Variants in AKAP13 observed in about 807,000 individuals in gnomAD.
AKAP13 encodes the protein A-kinase anchoring protein 13.
In AKAP13, 80 loss-of-function variants were observed where a neutral mutation model predicts 264.5. The ratio of observed to expected loss-of-function variants is 0.30; its 90% CI spans 0.25 to 0.36. AKAP13 has a LOEUF of 0.36. Ranked by LOEUF, AKAP13 falls within the 10% of genes least tolerant of loss-of-function variation. The pLI is 1.00. For synonymous variants in AKAP13, 1,380 were observed against 1,250.2 expected, an observed-to-expected ratio of 1.10 and a Z score of -2.19; for missense variants, 3,712 against 3,435.2, an observed-to-expected ratio of 1.08 and a Z score of -2.01.
At chr15:85,700,232 G>A (rs2085831791) in intron 17 of AKAP13, among the ~76,000 whole-genome samples, 1 of 152,150 alleles carries the variant, frequency 6.6e-6, no homozygotes, top group Non-Finnish European at 1.5e-5. Flanking sequence ...TTATCAGATA[G>A]CAGAAATATT....
chr15:85,708,927 G>T lies in AKAP13; in HGVS notation c.5532+841G>T, dbSNP rs2086471207. The stretch of plus-strand genomic sequence containing the variant: ...CCCACTCCCAGAGTCTCAGATTCTG[G>T]GGGAGAGTCCAGGAATTTGCATTTC... On this transcript the variant is annotated intron_variant, in intron 18 of 36. Transcript: ENST00000394518. This position sits in a 1 kb window ranked among gnomAD's most constrained non-coding sequence, Gnocchi z 4.3. Among the ~76,000 whole-genome samples the T allele has an allele frequency of 6.6e-6, 1 of 152,164 alleles. No homozygotes were observed. The highest frequency in any genetic ancestry group is 1.5e-5 in the Non-Finnish European group (1 of 68,036).
chr15:85,544,253 A>C, intron 5 of AKAP13: 1 of 489,268 alleles, frequency 2.0e-6, no homozygotes, highest in South Asian at 1.7e-5. Flanking sequence ...TTGTCTGTGG[A>C]GGTAGCATAA....
intron 3 of AKAP13, among the ~76,000 whole-genome samples, chr15:85,521,937 G>C (rs1465627490): frequency 6.6e-6 from 1 of 152,116 alleles, no homozygotes; most frequent in Non-Finnish European, 1.5e-5. Flanking sequence ...GTATATTATT[G>C]CCAAATTTTT....
intron 10 of AKAP13, among the ~76,000 whole-genome samples, chr15:85,648,087 G>A (rs926461251): frequency 6.6e-5 from 10 of 151,976 alleles, no homozygotes; most frequent in Non-Finnish European, 1.3e-4. Flanking sequence ...GGTTTTAATT[G>A]TAAGGAATTC....
chr15:85,630,211 CAT>C (rs1437405341), intron 8 of AKAP13, among the ~76,000 whole-genome samples: 3,019 of 19,082 alleles, frequency 0.16, 167 homozygotes, highest in Admixed American at 0.25. Context: ...ACACACACAT[CAT>C]GAACTAAGAT....
chr15:85,580,174 T>G lies in AKAP13; in HGVS notation c.2106T>G (p.Asp702Glu). 2 of 1,614,160 alleles carry G rather than the reference T, an allele frequency of 1.2e-6. No individual in the cohort carries two copies. The highest frequency in any genetic ancestry group is 1.3e-5 in the African/African-American group (1 of 75,040). ...CAGCAAGGCAACCCAGCTCACAAGA[T>G]CCACCCGATGCCTCCCACTGTGAAG... ...STTARQPSSQ[D>E]PPDASHCEDP... is the part of the protein sequence containing the mutation. The change falls in exon 7 of 37, where the codon GAT (aspartate) becomes GAG (glutamate). Residue 702 changes from aspartate (D) to glutamate (E), a missense_variant. Transcript: ENST00000394518.
chr15:85,570,424 C>G (rs1024242935), intron 5 of AKAP13, among the ~76,000 whole-genome samples: 5 of 152,114 alleles, frequency 3.3e-5, no homozygotes, highest in African/African-American at 1.2e-4. Context: ...TGCTCTCCAG[C>G]CTGGGTGACA....
chr15:85,612,947 G>C (rs967363061), intron 8 of AKAP13, among the ~76,000 whole-genome samples: 3 of 152,140 alleles, frequency 2.0e-5, no homozygotes, highest in African/African-American at 7.2e-5. Context: ...GCACTTACGG[G>C]CTTCATGAAA....
At chr15:85,573,997 A>G (rs1455136912) in intron 5 of AKAP13, among the ~76,000 whole-genome samples, 1 of 152,226 alleles carries the variant, frequency 6.6e-6, no homozygotes, top group Non-Finnish European at 1.5e-5. Context: ...TTTGCATATT[A>G]TGAAATTAAG....
chr15:85,451,179 T>A (rs1453606174), intron 1 of AKAP13, among the ~76,000 whole-genome samples: 1 of 152,202 alleles, frequency 6.6e-6, no homozygotes, highest in Non-Finnish European at 1.5e-5. Context: ...TTGCAACCTT[T>A]TTTGTGTTTC....
rs750404650 is a variant in AKAP13, at chr15:85,655,635, C to T, written c.4593C>T (p.Gly1531=). Residue 1531 remains glycine, a synonymous_variant, in exon 11 of 37, where the codon GGC becomes GGT. Coordinates refer to ENST00000394518, the MANE Select transcript of AKAP13 (RefSeq NM_007200.5). ...GTGAGAGTGAGCCTGCTGACCCAGG[C>T]GACGTGGAGGAGGAGGAGATGGACA... ...RESESEPADP[G]DVEEEEMDSI... is the part of the protein sequence containing the mutation. The T allele has an allele frequency of 1.1e-5, 17 of 1,614,042 alleles. No individual in the cohort carries two copies. The East Asian group carries it at 1.3e-4, about 13-fold the overall frequency.
chr15:85,578,875 A>T (rs1038945533), intron 6 of AKAP13, 55 bp from the exon 7 acceptor site: 2 of 1,550,868 alleles, frequency 1.3e-6, no homozygotes, highest in African/African-American at 2.7e-5. Flanking sequence ...CAGAGGTGTC[A>T]GTGACATCTT....
intron 19 of AKAP13, among the ~76,000 whole-genome samples, chr15:85,714,704 C>A (rs915579631): frequency 6.6e-6 from 1 of 152,204 alleles, no homozygotes; most frequent in African/African-American, 2.4e-5. Context: ...TGCAGTGGCT[C>A]ACGCCTGTAA....
At chr15:85,475,181 C>A (rs958581134) in intron 1 of AKAP13, among the ~76,000 whole-genome samples, 2 of 152,154 alleles carry the variant, frequency 1.3e-5, no homozygotes, top group Admixed American at 1.3e-4. Context: ...TATTTTAACC[C>A]CTCCTGAAGT....
chr15:85,536,982 A>G (rs1405749440), intron 4 of AKAP13: 2 of 152,260 alleles, frequency 1.3e-5, no homozygotes, highest in African/African-American at 2.4e-5. Flanking sequence ...TATATTTAAA[A>G]TAATAAAATA....
At chr15:85,471,968 T>C (rs1395902793) in intron 1 of AKAP13, among the ~76,000 whole-genome samples, 2 of 152,192 alleles carry the variant, frequency 1.3e-5, no homozygotes, top group Non-Finnish European at 2.9e-5. Flanking sequence ...TAAGCTAATA[T>C]ATTTACCATG....
intron 5 of AKAP13, among the ~76,000 whole-genome samples, chr15:85,554,727 T>C (rs1291878763): frequency 6.6e-6 from 1 of 152,204 alleles, no homozygotes; most frequent in Admixed American, 6.5e-5. Context: ...TGAATTCACA[T>C]TCATTTAATC....
At chr15:85,557,955 A>G (rs1474229652) in intron 5 of AKAP13, among the ~76,000 whole-genome samples, 3 of 152,172 alleles carry the variant, frequency 2.0e-5, no homozygotes, top group Non-Finnish European at 4.4e-5. Flanking sequence ...GAGAAAATGA[A>G]ACCTTGTCCA....
At chr15:85,525,534 C>G (rs1277267323) in intron 3 of AKAP13, among the ~76,000 whole-genome samples, 1 of 152,162 alleles carries the variant, frequency 6.6e-6, no homozygotes, top group Non-Finnish European at 1.5e-5. Context: ...ATTTAAAACA[C>G]CTATGAAAGT....
Sources: gnomAD v4.1 joint callset for allele counts (sites outside exome capture counted in the v4.1 genomes callset) on GRCh38, gnomAD v4.1.1 for gene constraint, Gnocchi (gnomAD v3.1) non-coding constraint, MANE v1.5 for transcripts, NCBI Gene and HGNC (gene_info 2026-07-23, HGNC 2026-07-21) for gene names.